ZNF839: variants seen among roughly 807,000 people sequenced by gnomAD.
The protein encoded by ZNF839 is renal carcinoma antigen NY-REN-50.
In ZNF839, 38 loss-of-function variants were observed where a neutral mutation model predicts 56.4. The ratio of observed to expected loss-of-function variants is 0.67; its 90% CI spans 0.52 to 0.88. ZNF839 has a LOEUF of 0.88. ZNF839 is among the 40% of genes least tolerant of loss of function. The pLI, the probability that ZNF839 is intolerant of heterozygous loss-of-function variation, is 0.00. For missense variants in ZNF839, 1,091 were observed against 1,177.6 expected (o/e 0.93, Z 1.08); for synonymous variants, 486 against 493.5 (o/e 0.98, Z 0.20).
chr14:102,321,854 G>A (rs2073144131), intron 1 of ZNF839, among the ~76,000 whole-genome samples: 1 of 152,122 alleles, frequency 6.6e-6, no homozygotes, highest in African/African-American at 2.4e-5. Context: ...GCAGGTTCTG[G>A]GGCGGTTGGG....
At position 102,339,075 on chromosome 14, in the gene ZNF839, T is replaced by C. The variant is rs762077689; in HGVS notation, c.1798-19T>C. On this transcript the variant is annotated intron_variant, in intron 6 of 7. Coordinates refer to ENST00000442396, the MANE Select transcript of ZNF839 (RefSeq NM_018335.6). ...GCCTATTCCTTCCTATTCTAGCTGA[T>C]TGGGTCTTCTCTTCACAGGCTGCGG... 4.3e-6 allele frequency: 7 copies of C among 1,613,828 alleles called. No individual in the cohort carries two copies. The South Asian group carries it at 6.6e-5, about 15-fold the overall frequency.
In ZNF839 at chr14:102,332,710, G is replaced by A. The variant is rs1308800544; in HGVS notation, c.1416+864G>A. ...GGATCACCTGAAGTCAGGAGTTCGA[G>A]ACCAGCCTGACCAACATAGTGAAAC... is the stretch of plus-strand genomic sequence containing the variant. On this transcript the variant is annotated intron_variant, in intron 3 of 7. Coordinates refer to ENST00000442396, the MANE Select transcript of ZNF839 (RefSeq NM_018335.6). The surrounding 1 kb of genome is among the most constrained non-coding windows in gnomAD (Gnocchi z 4.9). Among the ~76,000 whole-genome samples the A allele has an allele frequency of 6.6e-6, 1 of 151,830 alleles. No homozygotes were observed. Among genetic ancestry groups the A allele is most frequent in the African/African-American group, 2.4e-5 (1 of 41,384 alleles).
In ZNF839 at chr14:102,319,774, T is replaced by C. The variant is rs111952535; in HGVS notation, c.9T>C (p.Asp3=). 19 of 1,230,538 alleles carry C rather than the reference T, an allele frequency of 1.5e-5. No individual in the cohort carries two copies. The highest frequency in any genetic ancestry group is 1.8e-5 in the Non-Finnish European group (18 of 987,036). 76.2% of individuals were successfully genotyped at this position (1,230,538 alleles called of 1,614,324 possible). The part of the protein sequence containing the change: MA[D]AEPEAGGGSE... ...TCCCCGCCTCGGCCGCCATGGCGGA[T>C]GCGGAGCCGGAGGCTGGGGGCGGCA... The change falls in exon 1 of 8, where the codon GAT becomes GAC. Residue 3 remains aspartate, a synonymous_variant. Coordinates refer to ENST00000442396, the MANE Select transcript of ZNF839 (RefSeq NM_018335.6). This position sits in a 1 kb window ranked among gnomAD's most constrained non-coding sequence, Gnocchi z 4.5.
In ZNF839 at chr14:102,341,323, G is replaced by C. The variant is rs756819086; in HGVS notation, c.1928G>C (p.Gly643Ala). The C allele has an allele frequency of 1.7e-5, 26 of 1,518,014 alleles. No individual in the cohort carries two copies. In the East Asian group the frequency reaches 5.5e-4, roughly 32 times the overall value. 94.0% of individuals were successfully genotyped at this position (1,518,014 alleles called of 1,614,324 possible). A position where few individuals can be genotyped will look rare whatever the true frequency, so the allele number is the denominator to read the frequency against. ...KPRPLHALAA[G>A]FSPPVNVTVS... is the part of the protein sequence containing the mutation. Reference sequence around the variant, plus strand: ...TTCACCTGTTTCCCAAAATGTTTAGGTTTTTCCCCTCCAGTAAATGTGACT... The same window carrying C: ...TTCACCTGTTTCCCAAAATGTTTAGCTTTTTCCCCTCCAGTAAATGTGACT... The change falls in exon 8 of 8, where the codon GGT becomes GCT. Residue 643 changes from glycine to alanine, a missense_variant and splice_region_variant. Around this residue, in one of 3 missense-constraint regions of ZNF839, gnomAD observed 431 missense variants for 468.0 expected, o/e 0.92. Coordinates refer to ENST00000442396, the MANE Select transcript of ZNF839 (RefSeq NM_018335.6).
intron 7 of ZNF839, among the ~76,000 whole-genome samples, chr14:102,339,542 C>T (rs1349649023): frequency 2.0e-5 from 3 of 152,106 alleles, no homozygotes; most frequent in Admixed American, 6.6e-5. Flanking sequence ...GTCGGGAATT[C>T]GAGACCAGCC....
chr14:102,327,432 C>T (rs1186141595), intron 2 of ZNF839, among the ~76,000 whole-genome samples: 1 of 152,146 alleles, frequency 6.6e-6, no homozygotes, highest in Non-Finnish European at 1.5e-5. Flanking sequence ...TGAGCCACCA[C>T]GCCTGGCCAC....
intron 5 of ZNF839, among the ~76,000 whole-genome samples, chr14:102,338,336 A>G (rs541307752): frequency 6.6e-6 from 1 of 152,238 alleles, no homozygotes; most frequent in African/African-American, 2.4e-5. Context: ...CCAGAAGTTC[A>G]AGACCAGCCT....
At chr14:102,320,241 G>C (rs1445691236) in intron 1 of ZNF839, among the ~76,000 whole-genome samples, 188 bp downstream of exon 1, 1 of 152,188 alleles carries the variant, frequency 6.6e-6, no homozygotes, top group Non-Finnish European at 1.5e-5. Context: ...CACCCCAGGA[G>C]CCTCACTCTA....
chr14:102,334,638 C>T lies in ZNF839; in HGVS notation c.1501C>T (p.Leu501=). 6.2e-7 allele frequency: 1 copy of T among 1,609,246 alleles called. No individual in the cohort carries two copies. Among genetic ancestry groups the T allele is most frequent in the Non-Finnish European group, 8.5e-7 (1 of 1,176,442 alleles). ...GGTTGTGACCGTGTATGAGTTTCTT[C>T]TGATGAAGGTGAGTACTCTTAGTGT... ...AQVVTVYEFL[L]MKVEKDHLAK... Residue 501 remains leucine, a synonymous_variant, in exon 4 of 8, where the codon CTG becomes TTG. Transcript: ENST00000442396.
At chr14:102,320,617 A>G (rs1359250845) in intron 1 of ZNF839, among the ~76,000 whole-genome samples, 1 of 152,250 alleles carries the variant, frequency 6.6e-6, no homozygotes, top group East Asian at 1.9e-4. Flanking sequence ...AAAGTCAAGC[A>G]CAATACACTA....
In ZNF839 at chr14:102,341,552, G is replaced by T. The variant is rs771739051; in HGVS notation, c.2157G>T (p.Gln719His). 1 of 1,612,624 alleles carries T rather than the reference G, an allele frequency of 6.2e-7. No homozygotes were observed. Among genetic ancestry groups the T allele is most frequent in the South Asian group, 1.1e-5 (1 of 90,934 alleles). Residue 719 changes from glutamine to histidine, a missense_variant, in exon 8 of 8, where the codon CAG becomes CAT. Around this residue, in one of 3 missense-constraint regions of ZNF839, gnomAD observed 431 missense variants for 468.0 expected, o/e 0.92. Transcript: ENST00000442396. ...AGCCTAGGAGGCTGACCCAGGCACAGGTGGCAGCGTTTCCTGGAGAGAATG... is the reference window on the plus strand; with the variant it reads ...AGCCTAGGAGGCTGACCCAGGCACATGTGGCAGCGTTTCCTGGAGAGAATG... ...SGEPRRLTQA[Q>H]VAAFPGENAL...
chr14:102,326,028 A>C lies in ZNF839; in HGVS notation c.332A>C (p.Lys111Thr). Residue 111 changes from lysine (K) to threonine (T), a missense_variant, in exon 2 of 8, where the codon AAA (lysine) becomes ACA (threonine). This residue lies in a region of ZNF839 where 614 missense variants were observed against 629.2 expected (regional missense o/e 0.98). Transcript: ENST00000442396. This position sits in a 1 kb window ranked among gnomAD's most constrained non-coding sequence, Gnocchi z 4.3. ...GTCAAGGTAACGTCTGGAGAAACAA[A>C]AGGTCAGGAAAGGCCAATGCTCCTA... ...ICVKVTSGETKGQERPMLLPT... is the reference protein window; with the variant it reads ...ICVKVTSGETTGQERPMLLPT... 5 of 1,613,424 alleles carry C rather than the reference A, an allele frequency of 3.1e-6. No individual in the cohort carries two copies. Among genetic ancestry groups the C allele is most frequent in the Non-Finnish European group, 4.2e-6 (5 of 1,179,638 alleles).
intron 5 of ZNF839, chr14:102,336,919 A>C (rs1320203627): frequency 9.7e-6 from 2 of 205,468 alleles, no homozygotes; most frequent in Non-Finnish European, 2.0e-5. Context: ...TTTTTCGTAG[A>C]GAAGGGGTCT....
chr14:102,341,854 A>G lies in ZNF839; in HGVS notation c.2459A>G (p.Lys820Arg). The G allele has an allele frequency of 6.2e-7, 1 of 1,614,088 alleles. No individual in the cohort carries two copies. Among genetic ancestry groups the G allele is most frequent in the Non-Finnish European group, 8.5e-7 (1 of 1,179,914 alleles). The change falls in exon 8 of 8, where the codon AAG (lysine) becomes AGG (arginine). Residue 820 changes from lysine to arginine, a missense_variant. Lys to Arg is a conservative substitution (Grantham distance 26, BLOSUM62 2). Coordinates refer to ENST00000442396, the MANE Select transcript of ZNF839 (RefSeq NM_018335.6). The stretch of plus-strand genomic sequence containing the variant: ...GACTGTGCCTACAGGACTGTGCCCA[A>G]GCCAGGGCCTCAGCCTGGCCCACAT... The part of the protein sequence containing the change: ...AVDCAYRTVP[K>R]PGPQPGPHGS...
intron 2 of ZNF839, among the ~76,000 whole-genome samples, chr14:102,329,789 CTTT>C (rs35781672): frequency 0.095 from 9,631 of 101,716 alleles, 370 homozygotes; most frequent in East Asian, 0.22. Flanking sequence ...TAGAGATAAC[CTTT>C]TTTTTTTTTT....
At chr14:102,335,610 T>G in intron 4 of ZNF839, 79 bp from the exon 5 acceptor site, 2 of 1,450,684 alleles carry the variant, frequency 1.4e-6, no homozygotes, top group South Asian at 2.8e-5. Context: ...GAACCGAAAC[T>G]TTGTTTAGAT....
upstream of ZNF839, chr14:102,319,413 T>G (rs1287193460): frequency 1.6e-5 from 3 of 183,880 alleles, no homozygotes; most frequent in Non-Finnish European, 3.4e-5. This position sits in a 1 kb window ranked among gnomAD's most constrained non-coding sequence, Gnocchi z 4.5. Flanking sequence ...CTGATTCGGA[T>G]GCATGATGAC....
At chr14:102,323,014 G>A (rs867527638) in intron 1 of ZNF839, among the ~76,000 whole-genome samples, 1 of 149,686 alleles carries the variant, frequency 6.7e-6, no homozygotes, top group African/African-American at 2.5e-5. Context: ...ATTTGTACTA[G>A]TATAACAGAC....
In ZNF839 at chr14:102,332,993, T is replaced by A. The variant is rs940601156; in HGVS notation, c.1416+1147T>A. Among the ~76,000 whole-genome samples the A allele has an allele frequency of 7.9e-5, 12 of 152,228 alleles. No homozygotes were observed. Among genetic ancestry groups the A allele is most frequent in the Non-Finnish European group, 1.8e-4 (12 of 68,044 alleles). Reference sequence around the variant, plus strand: ...ATTGTGGAGTTTCCCTGTCTGCTGTTATTAAGCTCATACAGAATTTAGGTC... The same window carrying A: ...ATTGTGGAGTTTCCCTGTCTGCTGTAATTAAGCTCATACAGAATTTAGGTC... On this transcript the variant is annotated intron_variant, in intron 3 of 7. Transcript: ENST00000442396. The surrounding 1 kb of genome is among the most constrained non-coding windows in gnomAD (Gnocchi z 4.9).
Sources: allele counts gnomAD v4.1 joint callset (sites outside exome capture counted in the v4.1 genomes callset), GRCh38; gene constraint gnomAD v4.1.1; regional missense constraint gnomAD v4.1.1; non-coding constraint Gnocchi (gnomAD v3.1); transcripts MANE v1.5; gene names NCBI Gene and HGNC (gene_info 2026-07-23, HGNC 2026-07-21).